Variants in ZNF717 observed in about 807,000 individuals in gnomAD.
ZNF717 encodes zinc finger protein 717.
In ZNF717, 9 loss-of-function variants were observed where a neutral mutation model predicts 13.8. That is an observed-to-expected ratio of 0.65 (90% confidence interval 0.39 to 1.14). The LOEUF (loss-of-function observed/expected upper bound fraction) is 1.14. ZNF717 is among the 50% of genes most tolerant of loss of function. The probability of loss-of-function intolerance (pLI) is 0.01; values close to 1 mark genes in which losing one functional copy is unlikely to be tolerated. For missense variants in ZNF717, 1,040 were observed against 1,080.7 expected (o/e 0.96, Z 0.53); for synonymous variants, 327 against 364.1 (o/e 0.90, Z 1.16).
At chr3:75,711,341 CAAT>C (rs1430534118) in intron 5 of ZNF717, 1 of 151,986 alleles carries the variant, frequency 6.6e-6, no homozygotes, top group Non-Finnish European at 1.5e-5. Context: ...ATTTCAGAAC[CAAT>C]AATGTTTCAA....
chr3:75,755,283 G>T (rs1188269672), intron 2 of ZNF717, among the ~76,000 whole-genome samples: 1 of 41,452 alleles, frequency 2.4e-5, no homozygotes, highest in Non-Finnish European at 8.5e-5. Context: ...AAGAATTGTG[G>T]TACAATAAAA....
At chr3:75,728,142 G>A (rs1330545710), downstream of ZNF717, among the ~76,000 whole-genome samples, 1 of 152,228 alleles carries the variant, frequency 6.6e-6, no homozygotes, top group Non-Finnish European at 1.5e-5. Flanking sequence ...ACACCATCTA[G>A]GGTTATGTAA....
At chr3:75,724,611 T>G (rs1938239495) in intron 4 of ZNF717, among the ~76,000 whole-genome samples, 1 of 152,234 alleles carries the variant, frequency 6.6e-6, no homozygotes. Context: ...GGATCTAGAT[T>G]TAATGAAAAT....
At position 75,759,433 on chromosome 3, in the gene ZNF717, G is replaced by A. The variant is rs576592074; in HGVS notation, c.58-17697C>T. Among the ~76,000 whole-genome samples, 10 of 151,820 alleles carry A rather than the reference G, an allele frequency of 6.6e-5. No individual in the cohort carries two copies. In the South Asian group the frequency reaches 1.5e-3, roughly 22 times the overall value. On this transcript the variant is annotated intron_variant, in intron 2 of 4. Coordinates refer to ENST00000652011, the MANE Select transcript of ZNF717 (RefSeq NM_001290208.3). Reference sequence around the variant, plus strand: ...TGGAAGTACAGGCACCCGCCACAACGCCCCGCTAATTTTTTCTATTTTTAG... The same window carrying A: ...TGGAAGTACAGGCACCCGCCACAACACCCCGCTAATTTTTTCTATTTTTAG...
Position 75,763,629 on chromosome 3 carries a change from G to T in ZNF717, c.57+19677C>A, listed in dbSNP as rs536222373. On this transcript the variant is annotated intron_variant, in intron 2 of 4. Coordinates refer to ENST00000652011, the MANE Select transcript of ZNF717 (RefSeq NM_001290208.3). ...TCCAATTAGGGCAGAGTAAGTGCTA[G>T]TTCTCTGCCAACCCAGGATTAGGCC... Among the ~76,000 whole-genome samples, 6 of 152,370 alleles carry T rather than the reference G, an allele frequency of 3.9e-5. No individual in the cohort carries two copies. In the South Asian group the frequency reaches 1.0e-3, roughly 26 times the overall value.
Position 75,752,096 on chromosome 3 carries a change from C to G in ZNF717, c.58-10360G>C, listed in dbSNP as rs1336781171. Among the ~76,000 whole-genome samples, 93 of 150,904 alleles carry G rather than the reference C, an allele frequency of 6.2e-4. 1 individual carries two copies. Among genetic ancestry groups the G allele is most frequent in the Middle Eastern group, 6.9e-3 (2 of 288 alleles). On this transcript the variant is annotated intron_variant, in intron 2 of 4. Transcript: ENST00000652011. ...GTCTGACTAACCCTCACATAGGACT[C>G]TAGAACACTCCTACTGTGGTCTGAA...
chr3:75,746,187 T>C (rs1229753724), intron 2 of ZNF717, among the ~76,000 whole-genome samples: 56 of 152,354 alleles, frequency 3.7e-4, no homozygotes, highest in Non-Finnish European at 7.1e-4. Context: ...TCTATGTCCC[T>C]ACAAAGGACA....
intron 2 of ZNF717, among the ~76,000 whole-genome samples, chr3:75,754,085 G>C (rs1333892814): frequency 6.6e-6 from 1 of 152,250 alleles, no homozygotes; most frequent in Non-Finnish European, 1.5e-5. Flanking sequence ...GCGAGTGTCT[G>C]AATGTTTGAC....
At chr3:75,752,797 G>T (rs1286492475) in intron 2 of ZNF717, among the ~76,000 whole-genome samples, 30 of 150,334 alleles carry the variant, frequency 2.0e-4, no homozygotes, top group African/African-American at 7.1e-4. Context: ...CCTTAACATA[G>T]GATTTCAGAA....
intron 2 of ZNF717, among the ~76,000 whole-genome samples, chr3:75,781,852 G>A (rs1173768360): frequency 6.6e-6 from 1 of 152,152 alleles, no homozygotes; most frequent in African/African-American, 2.4e-5. Context: ...TCACTTTGTG[G>A]TGAATTTAAA....
intron 2 of ZNF717, chr3:75,741,979 ATAAGATG>A (rs1940526172): frequency 2.0e-6 from 1 of 505,168 alleles, no homozygotes; most frequent in South Asian, 3.9e-5. Context: ...TGTATTTTAC[ATAAGATG>A]TAGTTTGTTT....
rs1175222492 is a variant in ZNF717, at chr3:75,737,600, T to C, written c.2023A>G (p.Met675Val). 3.2e-6 allele frequency: 5 copies of C among 1,544,428 alleles called. No individual in the cohort carries two copies. The East Asian group carries it at 7.4e-5, about 23-fold the overall frequency. ...AGTTTTTCCACATTCATTACATCCA[T>C]ACGGTTTTTCCCCGTGTGAGTTCTC... ...HQRTHTGKNR[M>V]DVMNVEKLFV... The change falls in exon 5 of 5, where the codon ATG (methionine) becomes GTG (valine). Residue 675 changes from methionine (M) to valine (V), a missense_variant. Physicochemically the swap from Met to Val is conservative, Grantham distance 21 (BLOSUM62 1). Coordinates refer to ENST00000652011, the MANE Select transcript of ZNF717 (RefSeq NM_001290208.3).
At chr3:75,740,869 A>G (rs1419450146) in intron 4 of ZNF717, among the ~76,000 whole-genome samples, 1 of 151,708 alleles carries the variant, frequency 6.6e-6, no homozygotes, top group Non-Finnish European at 1.5e-5. Flanking sequence ...TATAGCTTAA[A>G]AAGAAACACC....
At chr3:75,727,812 C>T (rs1302231894), downstream of ZNF717, among the ~76,000 whole-genome samples, 3 of 152,304 alleles carry the variant, frequency 2.0e-5, no homozygotes, top group African/African-American at 4.8e-5. Flanking sequence ...ACTCCCTGTT[C>T]GTACATCCCC....
chr3:75,753,020 T>C (rs2107448465), intron 2 of ZNF717, among the ~76,000 whole-genome samples: 1 of 151,454 alleles, frequency 6.6e-6, no homozygotes, highest in South Asian at 2.1e-4. Context: ...TCTGAATGTT[T>C]ATACCTCACA....
chr3:75,731,225 A>G (rs1425890018), downstream of ZNF717, among the ~76,000 whole-genome samples: 1 of 152,130 alleles, frequency 6.6e-6, no homozygotes, highest in Non-Finnish European at 1.5e-5. Flanking sequence ...AAAAATACAA[A>G]TATTAGCGAA....
At chr3:75,727,911 G>A (rs1257516497), downstream of ZNF717, among the ~76,000 whole-genome samples, 29 of 152,332 alleles carry the variant, frequency 1.9e-4, no homozygotes, top group African/African-American at 6.5e-4. Context: ...CACCCCCAGA[G>A]GCCAAGCTGT....
chr3:75,738,163 G>T lies in ZNF717; in HGVS notation c.1460C>A (p.Thr487Lys), dbSNP rs1376913597. Residue 487 changes from threonine to lysine, a missense_variant, in exon 5 of 5, where the codon ACG becomes AAG. Thr to Lys is a moderately conservative substitution (Grantham distance 78). This residue lies in a region of ZNF717 where 873 missense variants were observed against 832.8 expected (regional missense o/e 1.05). Transcript: ENST00000652011. ...KPYECNECGK[T>K]FHRKSFLTIH... The stretch of plus-strand genomic sequence containing the variant: ...AGTGAGGAATGACTTACGGTGAAAC[G>T]TTTTCCCACATTCATTGCATTCATA... The T allele has an allele frequency of 3.6e-5, 49 of 1,372,274 alleles. No individual in the cohort carries two copies. In the South Asian group the frequency reaches 5.6e-4, roughly 16 times the overall value. The allele number at this position is 1,372,274 out of a possible 1,614,324, so 85.0% of individuals were successfully genotyped here.
chr3:75,696,505 A>G, intron 6 of ZNF717, among the ~76,000 whole-genome samples: 1 of 152,426 alleles, frequency 6.6e-6, no homozygotes, highest in South Asian at 2.1e-4. Flanking sequence ...TAAACAACAC[A>G]CAAACAGGTA....
Sources: gnomAD v4.1 joint callset for allele counts (sites outside exome capture counted in the v4.1 genomes callset) on GRCh38, gnomAD v4.1.1 for gene constraint, gnomAD v4.1.1 regional missense constraint, MANE v1.5 for transcripts, NCBI Gene and HGNC (gene_info 2026-07-23, HGNC 2026-07-21) for gene names.